Variants in FAP observed in about 807,000 individuals in gnomAD.
FAP encodes the protein fibroblast activation protein alpha, also known as prolyl endopeptidase FAP.
Under a neutral mutation model 126.5 loss-of-function variants are expected in FAP, and 110 were observed. The ratio of observed to expected loss-of-function variants is 0.87; its 90% confidence interval spans 0.74 to 1.02. FAP has a LOEUF of 1.02. Among genes scored for constraint, FAP ranks in the 50% least tolerant of loss-of-function variants. The pLI is 0.00. For missense variants in FAP, 919 were observed against 909.2 expected (o/e 1.01, Z -0.14); for synonymous variants, 334 against 297.3 (o/e 1.12, Z -1.27).
chr2:162,240,682 T>C (rs1690312409), intron 2 of FAP, among the ~76,000 whole-genome samples: 1 of 152,222 alleles, frequency 6.6e-6, no homozygotes, highest in South Asian at 2.1e-4. Context: ...CACTGGTGCA[T>C]AAAATTCTGG....
At chr2:162,208,824 GTTT>G (rs747233676) in intron 12 of FAP, among the ~76,000 whole-genome samples, 1 of 139,224 alleles carries the variant, frequency 7.2e-6, no homozygotes. Context: ...AAATAGGAGG[GTTT>G]TTTTTTTTTT....
At chr2:162,172,731 T>C (rs954959064) in intron 25 of FAP, 80 bp downstream of exon 25, 8 of 909,446 alleles carry the variant, frequency 8.8e-6, no homozygotes, top group Middle Eastern at 2.2e-4. Context: ...CTTTAAAAGT[T>C]AAAAAAAATA....
intron 16 of FAP, among the ~76,000 whole-genome samples, chr2:162,195,688 G>A (rs1688228892): frequency 6.6e-6 from 1 of 151,700 alleles, no homozygotes; most frequent in South Asian, 2.1e-4. Context: ...TCTCTATGCA[G>A]AAACTGGCCA....
At chr2:162,192,588 T>C (rs773882585) in intron 17 of FAP, among the ~76,000 whole-genome samples, 2 of 152,068 alleles carry the variant, frequency 1.3e-5, no homozygotes, top group Non-Finnish European at 2.9e-5. Flanking sequence ...AAGGCCTGAG[T>C]TACCACATGC....
intron 21 of FAP, chr2:162,175,782 T>C (rs1329607853): frequency 6.6e-6 from 1 of 152,154 alleles, no homozygotes; most frequent in African/African-American, 2.4e-5. Flanking sequence ...GAACCTTTTC[T>C]TAAATATGAA....
intron 14 of FAP, 102 bp downstream of exon 14, chr2:162,202,770 T>G: frequency 5.0e-6 from 4 of 794,116 alleles, no homozygotes; most frequent in Non-Finnish European, 8.2e-6. Context: ...AATTATAGAG[T>G]AACAAAAATC....
chr2:162,215,939 T>C lies in FAP; in HGVS notation c.825A>G (p.Val275=), dbSNP rs1345193256. 3 of 1,613,966 alleles carry C rather than the reference T, an allele frequency of 1.9e-6. No homozygotes were observed. Among genetic ancestry groups the C allele is most frequent in the Non-Finnish European group, 2.5e-6 (3 of 1,179,964 alleles). ...FIIDTTYPAY[V]GPQEVPVPAM... is the part of the protein sequence containing the mutation. ...CTGGAACAGGCACTTCCTGGGGACC[T>C]ACATACGCAGGGTAAGTGGTATCGA... The change falls in exon 10 of 26, where the codon GTA becomes GTG. Residue 275 remains valine, a synonymous_variant. Transcript: ENST00000188790.
rs982797410 is a variant in FAP at position 162,198,220 on chromosome 2, T to A, written c.1402+537A>T. The A allele has an allele frequency of 3.1e-6, 4 of 1,289,646 alleles. No homozygotes were observed. The African/African-American group carries it at 4.6e-5, about 15-fold the overall frequency. 79.9% of individuals were successfully genotyped at this position (1,289,646 alleles called of 1,614,324 possible). ...AGAAAGGACAAAGGTTCATCTTCTATCCCCATTGAAACTACAGTTTGAGGA... is the reference window on the plus strand; with the variant it reads ...AGAAAGGACAAAGGTTCATCTTCTAACCCCATTGAAACTACAGTTTGAGGA... On this transcript the variant is annotated intron_variant, in intron 16 of 25. Transcript: ENST00000188790.
At chr2:162,190,933 A>G (rs1688019968) in intron 17 of FAP, among the ~76,000 whole-genome samples, 1 of 152,168 alleles carries the variant, frequency 6.6e-6, no homozygotes, top group African/African-American at 2.4e-5. Flanking sequence ...TATGATTTGT[A>G]TAAGATACAT....
In FAP at chr2:162,198,259, G is replaced by T. The variant is rs1447417711; in HGVS notation, c.1402+498C>A. 3 of 1,289,718 alleles carry T rather than the reference G, an allele frequency of 2.3e-6. No individual in the cohort carries two copies. The East Asian group carries it at 1.7e-4, about 71-fold the overall frequency. The allele number at this position is 1,289,718 out of a possible 1,614,324, so 79.9% of individuals were successfully genotyped here. On this transcript the variant is annotated intron_variant, in intron 16 of 25. Coordinates refer to ENST00000188790, the MANE Select transcript of FAP (RefSeq NM_004460.5). ...ACAGTTTGAGGAATGATTGACCTCC[G>T]ACGTGGGCATCTCGGGTTTCCAAGC...
chr2:162,204,695 C>T (rs1576165348), intron 12 of FAP, among the ~76,000 whole-genome samples: 1 of 152,158 alleles, frequency 6.6e-6, no homozygotes, highest in Admixed American at 6.5e-5. Flanking sequence ...TTTCCGACTT[C>T]CAGCTTTCAG....
chr2:162,219,899 G>A lies in FAP; in HGVS notation c.440C>T (p.Pro147Leu), dbSNP rs138190509. The part of the protein sequence containing the change: ...NGEFVRGNEL[P>L]RPIQYLCWSP... Reference sequence around the variant, plus strand: ...CCAGCATAAATACTGAATTGGACGAGGAAGCTCATTTCCTCTTACAAATTC... The same window carrying A: ...CCAGCATAAATACTGAATTGGACGAAGAAGCTCATTTCCTCTTACAAATTC... Residue 147 changes from proline (P) to leucine (L), a missense_variant, in exon 7 of 26, where the codon CCT (proline) becomes CTT (leucine). Physicochemically the swap from Pro to Leu is moderately conservative, Grantham distance 98. Transcript: ENST00000188790. 1.8e-5 allele frequency: 29 copies of A among 1,612,394 alleles called. No individual in the cohort carries two copies. The highest frequency in any genetic ancestry group is 2.4e-5 in the Non-Finnish European group (28 of 1,178,952).
At chr2:162,187,852 A>T (rs1031245437) in intron 20 of FAP, among the ~76,000 whole-genome samples, 1 of 152,110 alleles carries the variant, frequency 6.6e-6, no homozygotes, top group Admixed American at 6.6e-5. Flanking sequence ...GAAGATCATC[A>T]TTAGAGTTCA....
At chr2:162,179,812 A>ATATATTT (rs1491388012) in intron 21 of FAP, among the ~76,000 whole-genome samples, 9 of 90,516 alleles carry the variant, frequency 9.9e-5, no homozygotes, top group Non-Finnish European at 2.0e-4. Flanking sequence ...ATATATATAT[A>ATATATTT]TTTTTTTTTT....
At chr2:162,210,477 A>G (rs1364920985) in intron 11 of FAP, among the ~76,000 whole-genome samples, 2 of 152,216 alleles carry the variant, frequency 1.3e-5, no homozygotes, top group Admixed American at 6.5e-5. Flanking sequence ...ACAAATAATT[A>G]GAAAAAGAAG....
Position 162,228,604 on chromosome 2 carries a change from T to C in FAP, c.92-1983A>G, listed in dbSNP as rs371004170. Reference sequence around the variant, plus strand: ...ACTAGACACTGAATACTTAATAGAATTGTTATTCTATTTTTTAAATAATTA... The same window carrying C: ...ACTAGACACTGAATACTTAATAGAACTGTTATTCTATTTTTTAAATAATTA... On this transcript the variant is annotated intron_variant, in intron 2 of 25. Transcript: ENST00000188790. 7.2e-5 allele frequency among the ~76,000 whole-genome samples: 11 copies of C among 152,284 alleles called. 1 individual carries two copies. Among genetic ancestry groups the C allele is most frequent in the African/African-American group, 2.4e-4 (10 of 41,568 alleles).
At chr2:162,221,536 T>C (rs566631285) in intron 6 of FAP, 1 of 340,700 alleles carries the variant, frequency 2.9e-6, no homozygotes, top group African/African-American at 2.2e-5. Flanking sequence ...AAAAAAAAAA[T>C]AAGAAGACAT....
chr2:162,234,880 C>T (rs557436831), intron 2 of FAP, among the ~76,000 whole-genome samples: 49 of 152,094 alleles, frequency 3.2e-4, no homozygotes, highest in African/African-American at 1.0e-3. Context: ...GAGGGGAACC[C>T]GGGCTGCACC....
chr2:162,228,774 A>G (rs1023051483), intron 2 of FAP, among the ~76,000 whole-genome samples: 2 of 152,198 alleles, frequency 1.3e-5, no homozygotes, highest in Admixed American at 1.3e-4. Flanking sequence ...ATAAAAGACC[A>G]TTTACTACAA....
Sources: allele counts gnomAD v4.1 joint callset (sites outside exome capture counted in the v4.1 genomes callset), GRCh38; gene constraint gnomAD v4.1.1; transcripts MANE v1.5; gene names NCBI Gene and HGNC (gene_info 2026-07-23, HGNC 2026-07-21).